The following GNL2 variants were observed in gnomAD, a reference collection of about 807,000 sequenced individuals.
The protein encoded by GNL2 is G protein nucleolar 2.
In GNL2, 51 loss-of-function variants were observed where a neutral mutation model predicts 92.3. That is an observed-to-expected ratio of 0.55 (90% CI 0.44 to 0.70). The LOEUF (loss-of-function observed/expected upper bound fraction) is 0.70, where lower values mean the gene tolerates loss of function less well. Among genes scored for constraint, GNL2 ranks in the 30% least tolerant of loss-of-function variants. The pLI is 0.00. For synonymous variants in GNL2, 283 were observed against 300.6 expected, an observed-to-expected ratio of 0.94 and a Z score of 0.61; for missense variants, 844 against 895.6, an observed-to-expected ratio of 0.94 and a Z score of 0.74.
chr1:37,588,800 A>AATCTCAGAATTAGATTTTAT (rs1288972970), intron 4 of GNL2, among the ~76,000 whole-genome samples: 2 of 152,332 alleles, frequency 1.3e-5, no homozygotes, highest in South Asian at 4.1e-4. Context: ...TGTGCAAAAT[A>AATCTCAGAATTAGATTTTAT]ATCTCAGAAT....
At chr1:37,581,184 A>G (rs1187783540) in intron 8 of GNL2, among the ~76,000 whole-genome samples, 2 of 152,228 alleles carry the variant, frequency 1.3e-5, no homozygotes, top group Non-Finnish European at 2.9e-5. Context: ...CAAGAAAATC[A>G]TAAGCATGTA....
At chr1:37,583,812 C>G in intron 6 of GNL2, 55 bp downstream of exon 6, 1 of 1,043,380 alleles carries the variant, frequency 9.6e-7, no homozygotes, top group South Asian at 1.3e-5. Flanking sequence ...TTTTCTTCTA[C>G]AAAATCATGA....
At position 37,582,301 on chromosome 1, in the gene GNL2, T is replaced by C; in HGVS notation, c.831A>G (p.Pro277=). ...TAAGGCTTGCATGGAAAGCAAGTGT[T>C]GGATAATCCTGGGAGAGGACAGCAA... The part of the protein sequence containing the change: ...RWVAVLSQDY[P]TLAFHASLTN... The change falls in exon 8 of 16, where the codon CCA becomes CCG. Residue 277 remains proline (P), a synonymous_variant. Transcript: ENST00000373062. 6.2e-7 allele frequency: 1 copy of C among 1,613,480 alleles called. No homozygotes were observed. Among genetic ancestry groups the C allele is most frequent in the Non-Finnish European group, 8.5e-7 (1 of 1,179,710 alleles).
intron 1 of GNL2, among the ~76,000 whole-genome samples, chr1:37,595,395 A>G (rs577055889): frequency 1.4e-4 from 21 of 152,358 alleles, no homozygotes; most frequent in African/African-American, 4.8e-4. Context: ...GTGGCAGGCA[A>G]GTATGATCAC....
intron 15 of GNL2, 45 bp from the exon 16 acceptor site, chr1:37,567,052 C>G (rs1371078714): frequency 1.9e-6 from 3 of 1,588,228 alleles, no homozygotes; most frequent in Non-Finnish European, 8.6e-7. Context: ...AACAACAAAA[C>G]CCTGAAAGTC....
rs370682902 is a variant in GNL2, at chr1:37,574,691, C to T, written c.1276G>A (p.Ala426Thr). 1.4e-5 allele frequency: 23 copies of T among 1,613,750 alleles called. No homozygotes were observed. The highest frequency in any genetic ancestry group is 5.5e-5 in the South Asian group (5 of 91,064). ...TTTAGTAACTTCCCAGTCCGGAAAGCGAGCTTCTCAAGAAAGTCCTCAGCA... is the reference window on the plus strand; with the variant it reads ...TTTAGTAACTTCCCAGTCCGGAAAGTGAGCTTCTCAAGAAAGTCCTCAGCA... The part of the protein sequence containing the change: ...ENAEDFLEKL[A>T]FRTGKLLKGG... Residue 426 changes from alanine (A) to threonine (T), a missense_variant, in exon 11 of 16, where the codon GCT becomes ACT. Coordinates refer to ENST00000373062, the MANE Select transcript of GNL2 (RefSeq NM_013285.3).
intron 8 of GNL2, chr1:37,581,616 C>T (rs1643768979): frequency 2.3e-6 from 1 of 434,552 alleles, no homozygotes; most frequent in Admixed American, 2.6e-5. Context: ...ACTTCAGAAT[C>T]TCTTATAATC....
At chr1:37,594,106 CTG>C (rs1418998001) in intron 1 of GNL2, 1 of 420,554 alleles carries the variant, frequency 2.4e-6, no homozygotes, top group Non-Finnish European at 4.3e-6. Flanking sequence ...TATGATGGCA[CTG>C]TGTTATCCAA....
rs200697753 is a variant in GNL2 at position 37,574,310 on chromosome 1, T to C, written c.1416+33A>G. ...TACACCAAATCTAGGTCAGGACCCA[T>C]GCTCCCCAGAGGTGGGCCCACCCTG... is the stretch of plus-strand genomic sequence containing the variant. On this transcript the variant is annotated intron_variant, in intron 12 of 15. Coordinates refer to ENST00000373062, the MANE Select transcript of GNL2 (RefSeq NM_013285.3). 2.2e-6 allele frequency: 3 copies of C among 1,380,428 alleles called. No individual in the cohort carries two copies. The African/African-American group carries it at 4.3e-5, about 20-fold the overall frequency. 85.5% of individuals were successfully genotyped at this position (1,380,428 alleles called of 1,614,324 possible).
intron 13 of GNL2, 22 bp from the exon 14 acceptor site, chr1:37,568,379 AC>A: frequency 6.7e-7 from 1 of 1,493,752 alleles, no homozygotes; most frequent in Non-Finnish European, 9.3e-7. Flanking sequence ...AAGCAAAGTA[AC>A]ATTCCTCCTC....
rs184230630 is a variant in GNL2, at chr1:37,582,237, G to A, written c.895C>T (p.Arg299Trp). Reference protein sequence around the residue: ...FGKGAFIQLLRQFGKLHTDKK... With the variant: ...FGKGAFIQLLWQFGKLHTDKK... Reference sequence around the variant, plus strand: ...GGGCTCAATACCTTTCCAAACTGCCGCAGAAGCTGAATGAATGCTCCCTTG... The same window carrying A: ...GGGCTCAATACCTTTCCAAACTGCCACAGAAGCTGAATGAATGCTCCCTTG... The change falls in exon 8 of 16, where the codon CGG becomes TGG. Residue 299 changes from arginine (R) to tryptophan (W), a missense_variant. Physicochemically the swap from Arg to Trp is moderately radical, Grantham distance 101. Coordinates refer to ENST00000373062, the MANE Select transcript of GNL2 (RefSeq NM_013285.3). 9.9e-6 allele frequency: 16 copies of A among 1,608,680 alleles called. No individual in the cohort carries two copies. In the African/African-American group the frequency reaches 1.1e-4, roughly 11 times the overall value.
intron 12 of GNL2, chr1:37,569,525 T>C: frequency 5.9e-6 from 3 of 511,642 alleles, no homozygotes; most frequent in South Asian, 5.3e-5. Context: ...TTCCACAGGA[T>C]GAACCAACTA....
chr1:37,576,663 G>T, intron 8 of GNL2, 107 bp from the exon 9 acceptor site: 1 of 1,039,076 alleles, frequency 9.6e-7, no homozygotes, highest in Non-Finnish European at 1.4e-6. Flanking sequence ...CAAAACTGTT[G>T]ATACAACTTG....
intron 2 of GNL2, among the ~76,000 whole-genome samples, chr1:37,593,014 G>C (rs574003145): frequency 6.6e-5 from 10 of 152,222 alleles, no homozygotes; most frequent in African/African-American, 2.4e-4. Context: ...AGCACGTAAT[G>C]ATTTCTGCTA....
chr1:37,588,368 T>C (rs1250423435), intron 4 of GNL2, among the ~76,000 whole-genome samples: 1 of 152,146 alleles, frequency 6.6e-6, no homozygotes, highest in East Asian at 1.9e-4. Flanking sequence ...GCAGCCCCTG[T>C]GGTTTCTGAA....
chr1:37,591,969 C>T (rs1353397303), intron 3 of GNL2, among the ~76,000 whole-genome samples: 1 of 152,206 alleles, frequency 6.6e-6, no homozygotes, highest in African/African-American at 2.4e-5. Flanking sequence ...AATCGAGTCA[C>T]AGTACCCAGC....
Position 37,575,692 on chromosome 1 carries a change from T to C in GNL2, c.1046A>G (p.Gln349Arg). ...APIAGETKVWQYITLMRRIFL... is the reference protein window; with the variant it reads ...APIAGETKVWRYITLMRRIFL... ...TATCCGACGCATCAAAGTAATATAC[T>C]GCCAGACCTGAAGTCAGAAAAAAGT... The change falls in exon 10 of 16, where the codon CAG becomes CGG. Residue 349 changes from glutamine to arginine, a missense_variant. Transcript: ENST00000373062. The surrounding 1 kb of genome is among the most constrained non-coding windows in gnomAD (Gnocchi z 4.1). 1 of 1,591,610 alleles carries C rather than the reference T, an allele frequency of 6.3e-7. No homozygotes were observed. The highest frequency in any genetic ancestry group is 8.5e-7 in the Non-Finnish European group (1 of 1,171,116).
intron 12 of GNL2, 177 bp from the exon 13 acceptor site, chr1:37,569,479 G>A (rs943216297): frequency 1.7e-6 from 1 of 591,458 alleles, no homozygotes; most frequent in Admixed American, 3.0e-5. Flanking sequence ...ATTAAGCCCA[G>A]AGATCAGTAC....
chr1:37,576,691 A>C, intron 8 of GNL2, 135 bp from the exon 9 acceptor site: 1 of 729,402 alleles, frequency 1.4e-6, no homozygotes, highest in Admixed American at 2.6e-5. Flanking sequence ...GCCTAGATAC[A>C]CACCACCTAC....
Sources: allele counts gnomAD v4.1 joint callset (sites outside exome capture counted in the v4.1 genomes callset), GRCh38; gene constraint gnomAD v4.1.1; non-coding constraint Gnocchi (gnomAD v3.1); transcripts MANE v1.5; gene names NCBI Gene and HGNC (gene_info 2026-07-23, HGNC 2026-07-21).